The following AKAP13 variants were observed in gnomAD, a reference collection of about 807,000 sequenced individuals.
AKAP13 encodes the protein A-kinase anchoring protein 13.
Under a neutral mutation model 264.5 loss-of-function variants are expected in AKAP13, and 80 were observed. The observed-to-expected ratio is 0.30, with a 90% CI of 0.25 to 0.36. The LOEUF is 0.36. AKAP13 is among the 10% of genes least tolerant of loss of function. The pLI is 1.00. For synonymous variants in AKAP13, 1,380 were observed against 1,250.2 expected (o/e 1.10, Z -2.19); for missense variants, 3,712 against 3,435.2 (o/e 1.08, Z -2.01).
At chr15:85,459,342 C>T (rs984709376) in intron 1 of AKAP13, among the ~76,000 whole-genome samples, 10 of 150,774 alleles carry the variant, frequency 6.6e-5, no homozygotes, top group African/African-American at 1.5e-4. Context: ...CCCGCCACCA[C>T]GCCCGGCTAA....
At chr15:85,515,793 A>G (rs942662105) in intron 2 of AKAP13, among the ~76,000 whole-genome samples, 5 of 137,358 alleles carry the variant, frequency 3.6e-5, no homozygotes, top group Non-Finnish European at 6.2e-5. Context: ...TCCTTAGTGC[A>G]TGCTATGTGA....
chr15:85,445,415 C>A (rs548842825), intron 1 of AKAP13, among the ~76,000 whole-genome samples: 9 of 152,222 alleles, frequency 5.9e-5, no homozygotes, highest in African/African-American at 1.9e-4. Context: ...GGAAAGAAAA[C>A]CCATACATCT....
At chr15:85,549,539 T>C (rs992932480) in intron 5 of AKAP13, among the ~76,000 whole-genome samples, 15 of 152,218 alleles carry the variant, frequency 9.9e-5, no homozygotes, top group African/African-American at 3.6e-4. Flanking sequence ...CAACCTTATA[T>C]CAACCTCGTG....
intron 1 of AKAP13, among the ~76,000 whole-genome samples, chr15:85,465,188 G>T (rs567199442): frequency 6.7e-6 from 1 of 149,256 alleles, no homozygotes; most frequent in Non-Finnish European, 1.5e-5. Flanking sequence ...TCCTGACCTT[G>T]TGATCCGCCT....
At chr15:85,450,124 T>G (rs116031995) in intron 1 of AKAP13, among the ~76,000 whole-genome samples, 1,769 of 152,216 alleles carry the variant, frequency 0.012, 24 homozygotes, top group African/African-American at 0.04. Flanking sequence ...GGGAATAAAT[T>G]TATTCCTTGC....
rs374689645 is a variant in AKAP13, at chr15:85,655,636, G to A, written c.4594G>A (p.Asp1532Asn). 140 of 1,614,128 alleles carry A rather than the reference G, an allele frequency of 8.7e-5. No individual in the cohort carries two copies. Among genetic ancestry groups the A allele is most frequent in the Non-Finnish European group, 1.2e-4 (137 of 1,180,054 alleles). ...TGAGAGTGAGCCTGCTGACCCAGGC[G>A]ACGTGGAGGAGGAGGAGATGGACAG... The part of the protein sequence containing the change: ...ESESEPADPG[D>N]VEEEEMDSIT... Residue 1532 changes from aspartate to asparagine, a missense_variant, in exon 11 of 37, where the codon GAC becomes AAC. Physicochemically the swap from Asp to Asn is conservative, Grantham distance 23. Around this residue, in one of 3 missense-constraint regions of AKAP13, gnomAD observed 2,759 missense variants for 2,411.7 expected, o/e 1.14. Transcript: ENST00000394518.
chr15:85,745,325 C>G lies in AKAP13; in HGVS notation c.*648C>G, dbSNP rs1298263395. The G allele has an allele frequency of 1.3e-5, 2 of 152,104 alleles. No individual in the cohort carries two copies. Among genetic ancestry groups the G allele is most frequent in the African/African-American group, 2.4e-5 (1 of 41,388 alleles). 9.4% of individuals were successfully genotyped at this position (152,104 alleles called of 1,614,324 possible). ...ATTTCTCATTTCATTTTAGGGATGA[C>G]AAACATTTGTGAAACCAGTGAGAGA... On this transcript the variant is annotated 3_prime_UTR_variant, in exon 37 of 37. Coordinates refer to ENST00000394518, the MANE Select transcript of AKAP13 (RefSeq NM_007200.5).
chr15:85,742,158 G>C (rs915384667), intron 35 of AKAP13, among the ~76,000 whole-genome samples: 1 of 152,210 alleles, frequency 6.6e-6, no homozygotes, highest in Non-Finnish European at 1.5e-5. Flanking sequence ...GAAGTGCTGG[G>C]GCATTTTGGC....
At chr15:85,522,306 A>T (rs1197665434) in intron 3 of AKAP13, among the ~76,000 whole-genome samples, 1 of 152,190 alleles carries the variant, frequency 6.6e-6, no homozygotes, top group Non-Finnish European at 1.5e-5. Context: ...GTGTGTTTAT[A>T]TACCTGTGTG....
At chr15:85,485,435 G>T (rs889081970) in intron 1 of AKAP13, among the ~76,000 whole-genome samples, 4 of 152,170 alleles carry the variant, frequency 2.6e-5, no homozygotes, top group African/African-American at 9.7e-5. Flanking sequence ...ATATCCTGTT[G>T]GTTGTTGAAA....
chr15:85,671,075 A>C (rs547418392), intron 14 of AKAP13: 51 of 152,108 alleles, frequency 3.4e-4, no homozygotes, highest in African/African-American at 1.1e-3. Context: ...CTTTGCTGAA[A>C]GACCATGTGT....
At chr15:85,552,703 C>T (rs1225885902) in intron 5 of AKAP13, among the ~76,000 whole-genome samples, 4 of 146,718 alleles carry the variant, frequency 2.7e-5, no homozygotes, top group African/African-American at 1.0e-4. Flanking sequence ...TCTCAGCTCA[C>T]TGCAACCTCC....
At chr15:85,486,104 C>T (rs6497208) in intron 2 of AKAP13, among the ~76,000 whole-genome samples, 77,433 of 151,856 alleles carry the variant, frequency 0.51, 20,268 homozygotes, top group Middle Eastern at 0.61. Context: ...CCTACTGCCA[C>T]TGTGATTTAC....
chr15:85,389,079 A>C (rs543006331), intron 1 of AKAP13, among the ~76,000 whole-genome samples: 47 of 152,248 alleles, frequency 3.1e-4, no homozygotes, highest in African/African-American at 1.0e-3. Flanking sequence ...CCCTGTGTGA[A>C]CTTTGGAGAT....
chr15:85,674,824 A>ATGTG lies in AKAP13; in HGVS notation c.5101+5008_5101+5011dup, dbSNP rs71141476. Among the ~76,000 whole-genome samples, 223 of 151,124 alleles carry ATGTG rather than the reference A, an allele frequency of 1.5e-3. 2 individuals carry two copies. The highest frequency in any genetic ancestry group is 0.012 in the East Asian group (60 of 5,176). On this transcript the variant is annotated intron_variant, in intron 14 of 36. Transcript: ENST00000394518. ...ATGATGGGAATTTACTGAAATATGT[A>ATGTG]TGTGTGTGTGTGTGTGTATATATAT... is the stretch of plus-strand genomic sequence containing the variant.
At chr15:85,564,834 C>T (rs2078545482) in intron 5 of AKAP13, among the ~76,000 whole-genome samples, 1 of 152,092 alleles carries the variant, frequency 6.6e-6, no homozygotes, top group African/African-American at 2.4e-5. Flanking sequence ...AGAGATTGTG[C>T]TGAGTGGTGG....
At chr15:85,556,539 C>T (rs373419903) in intron 5 of AKAP13, among the ~76,000 whole-genome samples, 2 of 152,300 alleles carry the variant, frequency 1.3e-5, no homozygotes, top group African/African-American at 4.8e-5. Context: ...CCTTCCTCCC[C>T]CTAGTGTTTT....
Position 85,708,772 on chromosome 15 carries a change from C to G in AKAP13, c.5532+686C>G, listed in dbSNP as rs1325054059. Among the ~76,000 whole-genome samples the G allele has an allele frequency of 1.3e-5, 2 of 152,118 alleles. No individual in the cohort carries two copies. Among genetic ancestry groups the G allele is most frequent in the East Asian group, 3.9e-4 (2 of 5,192 alleles). ...TTGTCAAAGGAGTGCTTTCCAACTT[C>G]GTCGACACAGATGATTAATGAGCTG... On this transcript the variant is annotated intron_variant, in intron 18 of 36. Coordinates refer to ENST00000394518, the MANE Select transcript of AKAP13 (RefSeq NM_007200.5). The surrounding 1 kb of genome is among the most constrained non-coding windows in gnomAD (Gnocchi z 4.3).
At chr15:85,416,093 A>G (rs987496766) in intron 1 of AKAP13, among the ~76,000 whole-genome samples, 1 of 152,244 alleles carries the variant, frequency 6.6e-6, no homozygotes, top group Non-Finnish European at 1.5e-5. Context: ...TGAGGAGTCA[A>G]GGAGGGAAGG....
Sources: allele counts gnomAD v4.1 joint callset (sites outside exome capture counted in the v4.1 genomes callset), GRCh38; gene constraint gnomAD v4.1.1; regional missense constraint gnomAD v4.1.1; non-coding constraint Gnocchi (gnomAD v3.1); transcripts MANE v1.5; gene names NCBI Gene and HGNC (gene_info 2026-07-23, HGNC 2026-07-21).